Variants in ZMAT4 observed in about 807,000 individuals in gnomAD.
The protein encoded by ZMAT4 is zinc finger matrin-type 4.
ZMAT4 carries 17 observed loss-of-function variants against 28.7 expected under a neutral mutation model. The observed-to-expected ratio is 0.59, with a 90% CI of 0.41 to 0.89. The LOEUF (loss-of-function observed/expected upper bound fraction) is 0.89, where lower values mean the gene tolerates loss of function less well. Among genes scored for constraint, ZMAT4 ranks in the 40% least tolerant of loss-of-function variants. ZMAT4 has a pLI of 0.00. For synonymous variants in ZMAT4, 117 were observed against 109.2 expected, an observed-to-expected ratio of 1.07 and a Z score of -0.44; for missense variants, 240 against 283.8, an observed-to-expected ratio of 0.85 and a Z score of 1.11.
chr8:40,804,746 C>A (rs1360314931), intron 2 of ZMAT4, among the ~76,000 whole-genome samples: 2 of 151,828 alleles, frequency 1.3e-5, no homozygotes, highest in East Asian at 3.9e-4. Context: ...GAGGCTGAGG[C>A]AGGAAAATTG....
At chr8:40,678,570 C>T (rs1260080145) in intron 4 of ZMAT4, among the ~76,000 whole-genome samples, 2 of 152,288 alleles carry the variant, frequency 1.3e-5, no homozygotes, top group Middle Eastern at 3.4e-3. Context: ...GTAGTTCTCC[C>T]TCCTCTAAGC....
intron 5 of ZMAT4, among the ~76,000 whole-genome samples, chr8:40,655,988 C>G (rs1272610191): frequency 6.6e-6 from 1 of 152,018 alleles, no homozygotes; most frequent in Non-Finnish European, 1.5e-5. Flanking sequence ...GTCTGTGCTT[C>G]AAATGCTATG....
chr8:40,741,211 G>A (rs1203726464), intron 3 of ZMAT4, among the ~76,000 whole-genome samples: 6 of 152,130 alleles, frequency 3.9e-5, no homozygotes, highest in Admixed American at 3.3e-4. Flanking sequence ...TTGGGAGGCC[G>A]AGGAGGGTGG....
Position 40,819,529 on chromosome 8 carries a change from G to C in ZMAT4, c.102+6046C>G, listed in dbSNP as rs191844005. ...TCAGTAAATGACAGCCAGGAGCAAAGCTCTACAGGGGGGAGCACGGGAGGT... is the reference window on the plus strand; with the variant it reads ...TCAGTAAATGACAGCCAGGAGCAAACCTCTACAGGGGGGAGCACGGGAGGT... On this transcript the variant is annotated intron_variant, in intron 2 of 6. Coordinates refer to ENST00000297737, the MANE Select transcript of ZMAT4 (RefSeq NM_024645.3). 1.2e-4 allele frequency among the ~76,000 whole-genome samples: 19 copies of C among 152,254 alleles called. No homozygotes were observed. In the East Asian group the frequency reaches 3.7e-3, roughly 29 times the overall value.
chr8:40,568,737 T>A (rs1804002056), intron 6 of ZMAT4, among the ~76,000 whole-genome samples: 1 of 152,160 alleles, frequency 6.6e-6, no homozygotes, highest in South Asian at 2.1e-4. Flanking sequence ...TATTTAAGTA[T>A]CTGTTCAAGG....
intron 2 of ZMAT4, among the ~76,000 whole-genome samples, chr8:40,821,684 T>A (rs1403420354): frequency 2.6e-5 from 4 of 152,196 alleles, no homozygotes; most frequent in Non-Finnish European, 2.9e-5. Flanking sequence ...ACAGCAAAAG[T>A]CATACCAAAA....
Position 40,714,915 on chromosome 8 carries a change from G to A in ZMAT4, c.193-17514C>T, listed in dbSNP as rs566481398. On this transcript the variant is annotated intron_variant, in intron 3 of 6. Coordinates refer to ENST00000297737, the MANE Select transcript of ZMAT4 (RefSeq NM_024645.3). ...AATACAAAAATTAGCCAGGCGTGGT[G>A]GCACGCACCTGCAATCCCAGCTACT... Among the ~76,000 whole-genome samples the A allele has an allele frequency of 2.0e-5, 3 of 152,030 alleles. No homozygotes were observed. In the South Asian group the frequency reaches 6.2e-4, roughly 32 times the overall value.
At chr8:40,663,467 G>A (rs550455189) in intron 5 of ZMAT4, among the ~76,000 whole-genome samples, 1 of 152,218 alleles carries the variant, frequency 6.6e-6, no homozygotes, top group East Asian at 1.9e-4. Flanking sequence ...TTCAAGCACA[G>A]GGCCTCTCAC....
chr8:40,729,973 A>G (rs1811468604), intron 3 of ZMAT4, among the ~76,000 whole-genome samples: 2 of 152,362 alleles, frequency 1.3e-5, no homozygotes, highest in South Asian at 2.1e-4. Context: ...CATAAACAAT[A>G]TATTTGAGTA....
chr8:40,895,491 G>A (rs780108744), intron 1 of ZMAT4, among the ~76,000 whole-genome samples: 1 of 151,886 alleles, frequency 6.6e-6, no homozygotes, highest in African/African-American at 2.4e-5. Context: ...ATCCTTTTTT[G>A]GTCTAAAGTT....
intron 5 of ZMAT4, among the ~76,000 whole-genome samples, chr8:40,614,429 T>A (rs1241267248): frequency 6.6e-6 from 1 of 152,206 alleles, no homozygotes; most frequent in African/African-American, 2.4e-5. Flanking sequence ...GTTCTGTAGA[T>A]GTCTATTAGG....
At chr8:40,562,756 C>T (rs1188518341) in intron 6 of ZMAT4, among the ~76,000 whole-genome samples, 1 of 152,086 alleles carries the variant, frequency 6.6e-6, no homozygotes, top group Non-Finnish European at 1.5e-5. Context: ...CTACTTGACT[C>T]TTTCTGGCAT....
At position 40,825,568 on chromosome 8, in the gene ZMAT4, T is replaced by C. The variant is rs1225324476; in HGVS notation, c.102+7A>G. The stretch of plus-strand genomic sequence containing the variant: ...TTTGCAAACAGAGTGGGAAACGCTG[T>C]CCTTACCTCGTAGTGGGCCACACGC... On this transcript the variant is annotated splice_region_variant and intron_variant, in intron 2 of 6. Coordinates refer to ENST00000297737, the MANE Select transcript of ZMAT4 (RefSeq NM_024645.3). 1 of 1,551,300 alleles carries C rather than the reference T, an allele frequency of 6.4e-7. No homozygotes were observed. Among genetic ancestry groups the C allele is most frequent in the Admixed American group, 2.0e-5 (1 of 51,004 alleles).
chr8:40,845,796 A>AAAG (rs1554570157), intron 1 of ZMAT4, among the ~76,000 whole-genome samples: 1 of 120,598 alleles, frequency 8.3e-6, no homozygotes, highest in African/African-American at 2.8e-5. Context: ...AAAAAAAAAA[A>AAAG]AGAGAGAGAG....
chr8:40,601,091 A>C (rs914974020), intron 5 of ZMAT4, among the ~76,000 whole-genome samples: 2 of 152,018 alleles, frequency 1.3e-5, no homozygotes, highest in Non-Finnish European at 2.9e-5. Flanking sequence ...AAAGAATACA[A>C]TGTAAGAGAT....
At chr8:40,811,713 G>A (rs1469152648) in intron 2 of ZMAT4, among the ~76,000 whole-genome samples, 3 of 152,196 alleles carry the variant, frequency 2.0e-5, no homozygotes, top group African/African-American at 7.2e-5. Flanking sequence ...GTATTAGACA[G>A]CAGTTAGAAG....
chr8:40,755,614 G>T (rs572025238), intron 3 of ZMAT4, among the ~76,000 whole-genome samples: 1 of 151,838 alleles, frequency 6.6e-6, no homozygotes, highest in Non-Finnish European at 1.5e-5. Context: ...CACCATGCCC[G>T]GCTAATTTTT....
At chr8:40,843,943 T>C (rs1019274166) in intron 1 of ZMAT4, among the ~76,000 whole-genome samples, 1 of 152,162 alleles carries the variant, frequency 6.6e-6, no homozygotes, top group African/African-American at 2.4e-5. Flanking sequence ...ATCTTTCCCC[T>C]CAATTTTATA....
intron 2 of ZMAT4, among the ~76,000 whole-genome samples, chr8:40,817,911 C>A (rs1815607030): frequency 6.6e-6 from 1 of 152,208 alleles, no homozygotes; most frequent in Non-Finnish European, 1.5e-5. Flanking sequence ...ATTTAAATTG[C>A]ATTTTCCAAC....
Sources: allele counts gnomAD v4.1 joint callset (sites outside exome capture counted in the v4.1 genomes callset), GRCh38; gene constraint gnomAD v4.1.1; transcripts MANE v1.5; gene names NCBI Gene and HGNC (gene_info 2026-07-23, HGNC 2026-07-21).